The following SORCS2 variants were observed in gnomAD, a reference collection of about 807,000 sequenced individuals.
SORCS2 encodes sortilin related VPS10 domain containing receptor 2.
A neutral mutation model predicts 141.6 loss-of-function variants in SORCS2; 100 were observed. The ratio of observed to expected loss-of-function variants is 0.71; its 90% CI spans 0.60 to 0.83. The LOEUF is 0.83. Ranked by LOEUF, SORCS2 falls within the 40% of genes least tolerant of loss-of-function variation. The pLI is 0.00. For synonymous variants in SORCS2, 789 were observed against 676.9 expected, an observed-to-expected ratio of 1.17 and a Z score of -2.57; for missense variants, 1,646 against 1,560.2, an observed-to-expected ratio of 1.05 and a Z score of -0.93.
Position 7,193,044 on chromosome 4 carries a change from C to T in SORCS2, c.398C>T (p.Ser133Leu). ...LAGVASRAQV[S>L]LISTSFVLKG... ...GGAGTGGCTTCGCGGGCGCAGGTCT[C>T]GCTCATCAGCACGTCGTTCGTGCTC... The change falls in exon 1 of 27, where the codon TCG becomes TTG. Residue 133 changes from serine (S) to leucine (L), a missense_variant. Ser to Leu is a moderately radical substitution (Grantham distance 145). Transcript: ENST00000507866. This position sits in a 1 kb window ranked among gnomAD's most constrained non-coding sequence, Gnocchi z 4.8. The T allele has an allele frequency of 3.9e-6, 6 of 1,530,754 alleles. No homozygotes were observed. The highest frequency in any genetic ancestry group is 5.2e-6 in the Non-Finnish European group (6 of 1,149,652). The allele number at this position is 1,530,754 out of a possible 1,614,324, so 94.8% of individuals were successfully genotyped here.
rs537976845 is a variant in SORCS2 at position 7,740,408 on chromosome 4, T to G, written c.*144T>G. ...ACCAGGCGACAGGCACCACCCCCTC[T>G]GATAAATCCAAGCCCGCCCAGGCCC... On this transcript the variant is annotated 3_prime_UTR_variant, in exon 27 of 27. Transcript: ENST00000507866. 191 of 731,054 alleles carry G rather than the reference T, an allele frequency of 2.6e-4. No individual in the cohort carries two copies. In the African/African-American group the frequency reaches 3.1e-3, roughly 12 times the overall value. The allele number at this position is 731,054 out of a possible 1,614,324, so 45.3% of individuals were successfully genotyped here.
chr4:7,438,578 T>A (rs1468363169), intron 2 of SORCS2, among the ~76,000 whole-genome samples: 2 of 152,178 alleles, frequency 1.3e-5, no homozygotes, highest in Non-Finnish European at 2.9e-5. Context: ...TATTCTTCTG[T>A]GAATAAAAAA....
At chr4:7,719,088 C>T (rs905559090) in intron 18 of SORCS2, among the ~76,000 whole-genome samples, 1 of 152,256 alleles carries the variant, frequency 6.6e-6, no homozygotes, top group Non-Finnish European at 1.5e-5. Flanking sequence ...TCTCTCCCGG[C>T]ACGCAGCTTT....
At chr4:7,242,884 C>T (rs548649256) in intron 1 of SORCS2, among the ~76,000 whole-genome samples, 151 of 152,322 alleles carry the variant, frequency 9.9e-4, no homozygotes, top group African/African-American at 3.4e-3. Flanking sequence ...CCCAAGTTGC[C>T]GTCACAATCG....
intron 1 of SORCS2, among the ~76,000 whole-genome samples, chr4:7,351,296 G>A (rs950479548): frequency 1.3e-5 from 2 of 152,148 alleles, no homozygotes; most frequent in African/African-American, 2.4e-5. Context: ...TTGTCACAGC[G>A]GGTGTTATAG....
At chr4:7,515,893 C>T (rs1389552951) in intron 2 of SORCS2, among the ~76,000 whole-genome samples, 1 of 152,178 alleles carries the variant, frequency 6.6e-6, no homozygotes, top group Non-Finnish European at 1.5e-5. Flanking sequence ...GTTGCCGTGT[C>T]ACCTCGAGCA....
At chr4:7,521,794 T>A (rs1002884785) in intron 2 of SORCS2, among the ~76,000 whole-genome samples, 1 of 152,210 alleles carries the variant, frequency 6.6e-6, no homozygotes, top group African/African-American at 2.4e-5. Flanking sequence ...TGAATACATG[T>A]ACCCTCAAGA....
At chr4:7,472,061 G>A (rs191433204) in intron 2 of SORCS2, among the ~76,000 whole-genome samples, 22 of 152,360 alleles carry the variant, frequency 1.4e-4, no homozygotes, top group Admixed American at 1.1e-3. Flanking sequence ...TCGGGGATGA[G>A]TGCTCCCTGC....
intron 1 of SORCS2, among the ~76,000 whole-genome samples, chr4:7,377,495 A>T (rs1722738072): frequency 6.6e-6 from 1 of 152,212 alleles, no homozygotes; most frequent in Non-Finnish European, 1.5e-5. Context: ...CCGAGACCAC[A>T]TCCTGATGCA....
At chr4:7,596,232 A>C (rs1180552252) in intron 3 of SORCS2, among the ~76,000 whole-genome samples, 4 of 152,200 alleles carry the variant, frequency 2.6e-5, no homozygotes, top group Non-Finnish European at 5.9e-5. Flanking sequence ...ATGTCCAAAA[A>C]TAGGGAAGAG....
chr4:7,678,945 GCTGT>G (rs1432417672), intron 9 of SORCS2, among the ~76,000 whole-genome samples: 15 of 152,170 alleles, frequency 9.9e-5, no homozygotes, highest in Admixed American at 9.8e-4. Context: ...GAGGTTTAAG[GCTGT>G]CATTCCTATT....
chr4:7,727,431 C>T (rs1401686066), intron 21 of SORCS2, among the ~76,000 whole-genome samples: 1 of 29,692 alleles, frequency 3.4e-5, no homozygotes, highest in Non-Finnish European at 6.4e-5. Flanking sequence ...AAGGAGACCC[C>T]CCCCCCCCTT....
intron 4 of SORCS2, among the ~76,000 whole-genome samples, chr4:7,640,188 A>G (rs915257087): frequency 1.5e-4 from 2 of 13,656 alleles, no homozygotes; most frequent in Non-Finnish European, 4.3e-4. Context: ...GTGAGAGCCT[A>G]TGTGAGTGTG....
intron 2 of SORCS2, chr4:7,433,734 C>T: frequency 1.2e-6 from 2 of 1,613,258 alleles, no homozygotes; most frequent in Non-Finnish European, 8.5e-7. Context: ...CTGGGGACGG[C>T]ACGATGGCAT....
intron 11 of SORCS2, among the ~76,000 whole-genome samples, chr4:7,692,285 T>A (rs1221967794): frequency 6.6e-6 from 1 of 152,140 alleles, no homozygotes; most frequent in Admixed American, 6.5e-5. Context: ...GCTACCTGTT[T>A]CCACAGGGTC....
intron 1 of SORCS2, among the ~76,000 whole-genome samples, chr4:7,285,663 A>C (rs1459952102): frequency 6.6e-6 from 1 of 152,136 alleles, no homozygotes; most frequent in East Asian, 1.9e-4. Context: ...GGAGGCGCCT[A>C]TGCTCCCAGG....
chr4:7,703,011 C>T (rs79349414), intron 12 of SORCS2, among the ~76,000 whole-genome samples: 304 of 152,364 alleles, frequency 2.0e-3, no homozygotes, highest in African/African-American at 4.9e-3. Flanking sequence ...GAGAGGGCTG[C>T]GTGCTGTGCT....
chr4:7,215,700 C>T (rs62289678), intron 1 of SORCS2, among the ~76,000 whole-genome samples: 48,297 of 152,052 alleles, frequency 0.32, 8,378 homozygotes, highest in Non-Finnish European at 0.39. Flanking sequence ...CCAATCAGCA[C>T]CCTGTGTCTA....
intron 1 of SORCS2, among the ~76,000 whole-genome samples, chr4:7,219,314 T>G (rs12647557): frequency 0.27 from 41,148 of 151,724 alleles, 6,180 homozygotes; most frequent in East Asian, 0.45. Context: ...CAGACTCTGG[T>G]TTCTCTAACT....
Sources: gnomAD v4.1 joint callset for allele counts (sites outside exome capture counted in the v4.1 genomes callset) on GRCh38, gnomAD v4.1.1 for gene constraint, Gnocchi (gnomAD v3.1) non-coding constraint, MANE v1.5 for transcripts, NCBI Gene and HGNC (gene_info 2026-07-23, HGNC 2026-07-21) for gene names.